The following CHD9 variants were observed in gnomAD, a reference collection of about 807,000 sequenced individuals.
The protein encoded by CHD9 is chromodomain helicase DNA binding protein 9.
A neutral mutation model predicts 316.1 loss-of-function variants in CHD9; 77 were observed. The observed-to-expected ratio is 0.24, with a 90% CI of 0.20 to 0.29. The LOEUF (loss-of-function observed/expected upper bound fraction) is 0.29, where lower values mean the gene tolerates loss of function less well. Among genes scored for constraint, CHD9 ranks in the 10% least tolerant of loss-of-function variants. CHD9 has a pLI of 1.00. For missense variants in CHD9, 2,763 were observed against 3,438.1 expected (o/e 0.80, Z 4.91); for synonymous variants, 1,129 against 1,158.3 (o/e 0.97, Z 0.51).
rs1291471388 is a variant in CHD9 at position 53,238,601 on chromosome 16, A to G, written c.2877+15A>G. On this transcript the variant is annotated intron_variant, in intron 12 of 38. Transcript: ENST00000447540. Reference sequence around the variant, plus strand: ...GGGATTCACAGGTGTGTTATTGATTATTTTGTTTGTTGTTTGAAAGGTCAG... The same window carrying G: ...GGGATTCACAGGTGTGTTATTGATTGTTTTGTTTGTTGTTTGAAAGGTCAG... The G allele has an allele frequency of 8.1e-6, 13 of 1,609,104 alleles. No individual in the cohort carries two copies. In the African/African-American group the frequency reaches 1.7e-4, roughly 22 times the overall value.
At chr16:53,111,783 A>G (rs2037884586) in intron 1 of CHD9, among the ~76,000 whole-genome samples, 1 of 152,242 alleles carries the variant, frequency 6.6e-6, no homozygotes, top group Non-Finnish European at 1.5e-5. Flanking sequence ...GTTTGATACC[A>G]CATTTCAGCA....
At position 53,324,130 on chromosome 16, in the gene CHD9, A is replaced by C; in HGVS notation, c.7929A>C (p.Ala2643=). Residue 2643 remains alanine (A), a synonymous_variant, in exon 39 of 39, where the codon GCA becomes GCC. Transcript: ENST00000447540. The part of the protein sequence containing the change: ...RPKSGIAKAT[A]AAAAASATSV... ...AAAGTGGAATTGCAAAGGCCACAGC[A>C]GCAGCAGCTGCTGCATCTGCCACCA... 3 of 1,614,010 alleles carry C rather than the reference A, an allele frequency of 1.9e-6. No homozygotes were observed. Among genetic ancestry groups the C allele is most frequent in the Non-Finnish European group, 2.5e-6 (3 of 1,179,870 alleles).
chr16:53,210,467 A>G (rs1323339827), intron 3 of CHD9, among the ~76,000 whole-genome samples: 1 of 152,092 alleles, frequency 6.6e-6, no homozygotes, highest in East Asian at 1.9e-4. Flanking sequence ...TATTAATCCT[A>G]TGTATTTTAC....
At chr16:53,189,753 CA>C (rs1182919220) in intron 2 of CHD9, among the ~76,000 whole-genome samples, 1 of 152,010 alleles carries the variant, frequency 6.6e-6, no homozygotes, top group Non-Finnish European at 1.5e-5. Flanking sequence ...AGCCTTTTAT[CA>C]GACTTTAGTG....
chr16:53,130,476 G>A (rs2039178321), intron 1 of CHD9, among the ~76,000 whole-genome samples: 2 of 150,356 alleles, frequency 1.3e-5, no homozygotes, highest in South Asian at 2.1e-4. Context: ...GTGGCGGCGG[G>A]GCCGCGGGGC....
chr16:53,324,674 T>A lies in CHD9; in HGVS notation c.8473T>A (p.Phe2825Ile). The A allele has an allele frequency of 6.2e-7, 1 of 1,613,684 alleles. No individual in the cohort carries two copies. Among genetic ancestry groups the A allele is most frequent in the Non-Finnish European group, 8.5e-7 (1 of 1,179,770 alleles). ...TCCAACTTTGTCCCAGTCCAATACT[T>A]TTGATGTACAAAACAAAAACAGTGA... ...HIPTLSQSNT[F>I]DVQNKNSDLG... Residue 2825 changes from phenylalanine to isoleucine, a missense_variant, in exon 39 of 39, where the codon TTT becomes ATT. By Grantham distance (21) the Phe-to-Ile change is conservative. Around this residue, in one of 15 missense-constraint regions of CHD9, gnomAD observed 298 missense variants for 380.2 expected, o/e 0.78. Transcript: ENST00000447540.
intron 2 of CHD9, among the ~76,000 whole-genome samples, chr16:53,171,115 TA>T (rs1449354144): frequency 2.6e-5 from 4 of 151,950 alleles, no homozygotes; most frequent in Non-Finnish European, 5.9e-5. Flanking sequence ...AATCTATTAA[TA>T]AAAACAATTT....
At chr16:53,219,411 G>A (rs1433671337) in intron 3 of CHD9, among the ~76,000 whole-genome samples, 3 of 152,106 alleles carry the variant, frequency 2.0e-5, no homozygotes, top group African/African-American at 4.8e-5. Flanking sequence ...ACAGGAAGGC[G>A]GCTGAAGACA....
chr16:53,265,053 T>C (rs1009205375), intron 20 of CHD9, among the ~76,000 whole-genome samples: 6 of 152,182 alleles, frequency 3.9e-5, no homozygotes, highest in African/African-American at 1.4e-4. Context: ...ATTAAGGACT[T>C]TTCTGAAAAT....
In CHD9 at chr16:53,157,348, A is replaced by G. The variant is rs752446481; in HGVS notation, c.1259A>G (p.Glu420Gly). Residue 420 changes from glutamate (E) to glycine (G), a missense_variant, in exon 2 of 39, where the codon GAG becomes GGG. By Grantham distance (98) the Glu-to-Gly change is moderately conservative. Transcript: ENST00000447540. ...LQEGLLPHFD[E>G]STFGQDNSSH... Reference sequence around the variant, plus strand: ...GAGGGTCTTCTTCCTCACTTTGATGAGTCAACATTCGGACAAGATAATTCA... The same window carrying G: ...GAGGGTCTTCTTCCTCACTTTGATGGGTCAACATTCGGACAAGATAATTCA... 1.2e-6 allele frequency: 2 copies of G among 1,613,948 alleles called. No homozygotes were observed. The highest frequency in any genetic ancestry group is 1.7e-6 in the Non-Finnish European group (2 of 1,179,852).
At chr16:53,278,734 T>C (rs1231193978) in intron 24 of CHD9, among the ~76,000 whole-genome samples, 1 of 152,186 alleles carries the variant, frequency 6.6e-6, no homozygotes, top group East Asian at 1.9e-4. Flanking sequence ...AAGACATTTA[T>C]GCAGCCAACA....
intron 31 of CHD9, among the ~76,000 whole-genome samples, chr16:53,305,384 C>T (rs1597931126): frequency 6.6e-6 from 1 of 152,292 alleles, no homozygotes; most frequent in East Asian, 1.9e-4. Context: ...TTTATATATA[C>T]AAATGTTCTT....
Position 53,263,093 on chromosome 16 carries a change from G to A in CHD9, c.4316G>A (p.Gly1439Asp), listed in dbSNP as rs1333230341. The A allele has an allele frequency of 2.5e-6, 4 of 1,606,780 alleles. No homozygotes were observed. The highest frequency in any genetic ancestry group is 1.7e-5 in the Admixed American group (1 of 59,546). ...GAAATAGATATAGAGGCCATCAGTGGCAGAGTAAGTATTTTTATCCCTCTA... is the reference window on the plus strand; with the variant it reads ...GAAATAGATATAGAGGCCATCAGTGACAGAGTAAGTATTTTTATCCCTCTA... ...KAEIDIEAIS[G>D]RNSLVIDTPR... Residue 1439 changes from glycine (G) to aspartate (D), a missense_variant, in exon 20 of 39, where the codon GGC becomes GAC. Physicochemically the swap from Gly to Asp is moderately conservative, Grantham distance 94. Transcript: ENST00000447540.
intron 1 of CHD9, among the ~76,000 whole-genome samples, chr16:53,102,329 T>A (rs2036951708): frequency 6.6e-6 from 1 of 152,298 alleles, no homozygotes; most frequent in Admixed American, 6.5e-5. Context: ...TCTTCACAAC[T>A]GTATTCCCTG....
intron 1 of CHD9, among the ~76,000 whole-genome samples, chr16:53,080,189 A>T (rs1239911802): frequency 6.6e-6 from 1 of 152,210 alleles, no homozygotes; most frequent in Non-Finnish European, 1.5e-5. Context: ...CACATTTGTT[A>T]ACAGAAGTAT....
At chr16:53,125,798 C>T (rs1300711603) in intron 1 of CHD9, among the ~76,000 whole-genome samples, 1 of 152,164 alleles carries the variant, frequency 6.6e-6, no homozygotes, top group Admixed American at 6.5e-5. Flanking sequence ...CTAGACTAAG[C>T]TATGATGTTC....
At chr16:53,215,510 G>A (rs1467486075) in intron 3 of CHD9, among the ~76,000 whole-genome samples, 1 of 152,066 alleles carries the variant, frequency 6.6e-6, no homozygotes, top group Non-Finnish European at 1.5e-5. Context: ...CTTTAAATGG[G>A]CATCATTTCA....
At chr16:53,228,539 T>G (rs1023146892) in intron 7 of CHD9, among the ~76,000 whole-genome samples, 2 of 143,912 alleles carry the variant, frequency 1.4e-5, no homozygotes, top group Admixed American at 6.9e-5. Context: ...ATGAAAGTGT[T>G]TTTTTTTTTT....
At chr16:53,315,224 T>C (rs570566131) in intron 36 of CHD9, among the ~76,000 whole-genome samples, 180 bp downstream of exon 36, 1 of 152,306 alleles carries the variant, frequency 6.6e-6, no homozygotes, top group South Asian at 2.1e-4. Flanking sequence ...TATTTTCCAT[T>C]TTTCCATTCT....
Sources: gnomAD v4.1 joint callset for allele counts (sites outside exome capture counted in the v4.1 genomes callset) on GRCh38, gnomAD v4.1.1 for gene constraint, gnomAD v4.1.1 regional missense constraint, MANE v1.5 for transcripts, NCBI Gene and HGNC (gene_info 2026-07-23, HGNC 2026-07-21) for gene names.